CDH12: variants seen among roughly 807,000 people sequenced by gnomAD.
The protein encoded by CDH12 is cadherin 12.
In CDH12, 41 loss-of-function variants were observed where a neutral mutation model predicts 74.1. The observed-to-expected ratio is 0.55, with a 90% CI of 0.43 to 0.72. The LOEUF (loss-of-function observed/expected upper bound fraction) is 0.72, where lower values mean the gene tolerates loss of function less well. Among genes scored for constraint, CDH12 ranks in the 30% least tolerant of loss-of-function variants. The pLI, the probability that CDH12 is intolerant of heterozygous loss-of-function variation, is 0.00. For missense variants in CDH12, 945 were observed against 977.2 expected (o/e 0.97, Z 0.44); for synonymous variants, 399 against 355.0 (o/e 1.12, Z -1.39).
intron 3 of CDH12, among the ~76,000 whole-genome samples, chr5:22,362,407 C>T (rs193194697): frequency 0.012 from 1,796 of 152,146 alleles, 37 homozygotes; most frequent in African/African-American, 0.04. Context: ...GTTAGAATGG[C>T]GATCATTAAA....
intron 1 of CDH12, among the ~76,000 whole-genome samples, chr5:22,623,897 C>T (rs1738123932): frequency 6.6e-6 from 1 of 152,156 alleles, no homozygotes; most frequent in Non-Finnish European, 1.5e-5. Flanking sequence ...AGGTATCACG[C>T]TACCTGACTT....
intron 6 of CDH12, among the ~76,000 whole-genome samples, chr5:21,911,825 AT>A (rs1428128724): frequency 6.6e-6 from 1 of 152,056 alleles, no homozygotes; most frequent in African/African-American, 2.4e-5. Context: ...TTCAAATTTT[AT>A]TTTTAAGCTT....
At chr5:22,129,042 G>A (rs1483436584) in intron 4 of CDH12, among the ~76,000 whole-genome samples, 16 of 152,222 alleles carry the variant, frequency 1.1e-4, no homozygotes, top group Non-Finnish European at 2.2e-4. Flanking sequence ...TGACAAAAAC[G>A]TTTAACCTGT....
At chr5:22,044,212 G>A (rs1739774081) in intron 5 of CDH12, among the ~76,000 whole-genome samples, 1 of 152,034 alleles carries the variant, frequency 6.6e-6, no homozygotes, top group Non-Finnish European at 1.5e-5. Flanking sequence ...CATGGTACTG[G>A]CAAAAAACAA....
At chr5:21,781,737 A>AAT (rs397709331) in intron 11 of CDH12, among the ~76,000 whole-genome samples, 1 of 151,530 alleles carries the variant, frequency 6.6e-6, no homozygotes, top group Non-Finnish European at 1.5e-5. Context: ...AAAAAAAAAA[A>AAT]GTGGCAACCA....
intron 5 of CDH12, among the ~76,000 whole-genome samples, chr5:22,019,521 T>G (rs909667879): frequency 6.6e-6 from 1 of 152,130 alleles, no homozygotes. Context: ...GCCTTCATGA[T>G]GGAATACTGT....
intron 1 of CDH12, among the ~76,000 whole-genome samples, chr5:22,763,558 C>G (rs1746336931): frequency 6.6e-6 from 1 of 151,924 alleles, no homozygotes; most frequent in South Asian, 2.1e-4. Context: ...ACGAACTATT[C>G]TAAGTATTTG....
intron 5 of CDH12, among the ~76,000 whole-genome samples, chr5:22,022,887 A>C (rs1738079156): frequency 6.6e-6 from 1 of 152,110 alleles, no homozygotes; most frequent in African/African-American, 2.4e-5. Context: ...CTCTATTCCC[A>C]TCATAAACAG....
intron 3 of CDH12, among the ~76,000 whole-genome samples, chr5:22,324,009 G>T (rs1263947526): frequency 6.6e-6 from 1 of 152,090 alleles, no homozygotes; most frequent in Non-Finnish European, 1.5e-5. Context: ...ATTGGAACAT[G>T]TTATTATTGT....
At chr5:22,176,488 A>C (rs1749345184) in intron 4 of CDH12, among the ~76,000 whole-genome samples, 1 of 151,882 alleles carries the variant, frequency 6.6e-6, no homozygotes, top group Admixed American at 6.6e-5. Context: ...TCCTCACCTA[A>C]ATAAGCCAGC....
At chr5:21,999,253 T>C (rs1411944496) in intron 5 of CDH12, among the ~76,000 whole-genome samples, 1 of 152,176 alleles carries the variant, frequency 6.6e-6, no homozygotes, top group African/African-American at 2.4e-5. Context: ...TGGGTGCTTT[T>C]TCTCACATAC....
chr5:21,837,572 C>A (rs1392268701), intron 8 of CDH12, among the ~76,000 whole-genome samples: 1 of 151,508 alleles, frequency 6.6e-6, no homozygotes, highest in East Asian at 1.9e-4. Context: ...TTGTTGACTT[C>A]CACATTGAAA....
At chr5:22,461,370 TAAG>T (rs1390322509) in intron 2 of CDH12, among the ~76,000 whole-genome samples, 1 of 150,788 alleles carries the variant, frequency 6.6e-6, no homozygotes, top group African/African-American at 2.4e-5. Context: ...CTAGTGATCA[TAAG>T]AAGTGAGTAG....
At chr5:22,086,995 T>C (rs886533382) in intron 4 of CDH12, among the ~76,000 whole-genome samples, 1 of 152,164 alleles carries the variant, frequency 6.6e-6, no homozygotes, top group Non-Finnish European at 1.5e-5. Context: ...AGAGATGTCC[T>C]ATAAAATGCC....
intron 3 of CDH12, among the ~76,000 whole-genome samples, chr5:22,374,244 GA>G (rs1452765384): frequency 2.0e-5 from 3 of 151,330 alleles, no homozygotes; most frequent in Non-Finnish European, 3.0e-5. Context: ...GAAAAAAATG[GA>G]AAAAAAATCA....
chr5:22,587,281 G>T (rs1291283842), intron 1 of CDH12, among the ~76,000 whole-genome samples: 1 of 152,078 alleles, frequency 6.6e-6, no homozygotes, highest in Non-Finnish European at 1.5e-5. Context: ...ATGGAAAGGT[G>T]CAGAAAGAAG....
intron 1 of CDH12, among the ~76,000 whole-genome samples, chr5:22,848,642 C>T (rs1737414366): frequency 6.6e-6 from 1 of 152,088 alleles, no homozygotes; most frequent in African/African-American, 2.4e-5. Flanking sequence ...GTTAGTTTAT[C>T]AGGGAGGGAT....
intron 3 of CDH12, among the ~76,000 whole-genome samples, chr5:22,341,641 T>G (rs1395137031): frequency 6.6e-6 from 1 of 152,118 alleles, no homozygotes; most frequent in African/African-American, 2.4e-5. Flanking sequence ...ACAGACATAG[T>G]GAGGATCCTG....
At chr5:22,090,426 G>A (rs1743338281) in intron 4 of CDH12, among the ~76,000 whole-genome samples, 1 of 148,784 alleles carries the variant, frequency 6.7e-6, no homozygotes, top group Admixed American at 6.7e-5. Flanking sequence ...AGAACAAGAT[G>A]TCTTCACTGT....
Sources: allele counts gnomAD v4.1 joint callset (sites outside exome capture counted in the v4.1 genomes callset), GRCh38; gene constraint gnomAD v4.1.1; transcripts MANE v1.5; gene names NCBI Gene and HGNC (gene_info 2026-07-23, HGNC 2026-07-21).